ITGB5: variants seen among roughly 807,000 people sequenced by gnomAD.
ITGB5 encodes integrin beta-5.
ITGB5 carries 38 observed loss-of-function variants against 84.8 expected under a neutral mutation model. That is an observed-to-expected ratio of 0.45 (90% CI 0.35 to 0.59). ITGB5 has a LOEUF of 0.59. ITGB5 is among the 20% of genes least tolerant of loss of function. The pLI is 0.01. For synonymous variants in ITGB5, 393 were observed against 414.4 expected (o/e 0.95, Z 0.63); for missense variants, 905 against 1,034.5 (o/e 0.87, Z 1.72).
At chr3:124,886,450 G>T (rs1934812263) in intron 1 of ITGB5, among the ~76,000 whole-genome samples, 1 of 152,136 alleles carries the variant, frequency 6.6e-6, no homozygotes, top group African/African-American at 2.4e-5. Context: ...TCCAGGAGGC[G>T]AGCCCTCCGG....
At chr3:124,768,899 C>T (rs961142541) in intron 12 of ITGB5, 114 bp downstream of exon 12, 3 of 702,146 alleles carry the variant, frequency 4.3e-6, no homozygotes, top group African/African-American at 3.6e-5. Context: ...TCATGGGGAG[C>T]CCACAGTTAT....
rs143677920 is a variant in ITGB5 at position 124,831,006 on chromosome 3, C to A, written c.781-9532G>T. Among the ~76,000 whole-genome samples, 563 of 151,324 alleles carry A rather than the reference C, an allele frequency of 3.7e-3. 1 individual carries two copies. The highest frequency in any genetic ancestry group is 0.011 in the African/African-American group (441 of 41,410). On this transcript the variant is annotated intron_variant, in intron 5 of 14. Transcript: ENST00000296181. ...CTCAAACGAACAACAACAACAACAA[C>A]AAAAAAACAAGAAAATTCTTCCTTA...
intron 10 of ITGB5, among the ~76,000 whole-genome samples, chr3:124,782,587 GT>G (rs757134455): frequency 6.6e-6 from 1 of 152,222 alleles, no homozygotes; most frequent in African/African-American, 2.4e-5. Context: ...GCTGGGCACG[GT>G]GGCTCACGGC....
At chr3:124,824,288 A>G (rs2064751589) in intron 5 of ITGB5, among the ~76,000 whole-genome samples, 1 of 152,240 alleles carries the variant, frequency 6.6e-6, no homozygotes, top group Non-Finnish European at 1.5e-5. Flanking sequence ...AGATCCACAC[A>G]TATCTAGTCA....
intron 1 of ITGB5, among the ~76,000 whole-genome samples, chr3:124,885,502 C>T (rs1434247343): frequency 6.6e-6 from 1 of 152,044 alleles, no homozygotes; most frequent in East Asian, 1.9e-4. Context: ...AAATTAAAAA[C>T]TACTAATATT....
In ITGB5 at chr3:124,819,335, A is replaced by G. The variant is rs141430339; in HGVS notation, c.1038+404T>C. The stretch of plus-strand genomic sequence containing the variant: ...CGCCAGACTAGCCCACTGGTCTCCT[A>G]TAGTCTGCAGGCTCAGGCATAAAGC... On this transcript the variant is annotated intron_variant, in intron 7 of 14. Transcript: ENST00000296181. Among the ~76,000 whole-genome samples the G allele has an allele frequency of 2.7e-3, 404 of 152,304 alleles. 3 individuals carry two copies. Among genetic ancestry groups the G allele is most frequent in the Non-Finnish European group, 4.6e-3 (315 of 68,008 alleles).
At chr3:124,805,054 T>TCCCTG (rs200043507) in intron 9 of ITGB5, among the ~76,000 whole-genome samples, 12 of 124,468 alleles carry the variant, frequency 9.6e-5, no homozygotes, top group African/African-American at 1.5e-4. Flanking sequence ...CTGCCCTCCC[T>TCCCTG]CCCTGCCCTG....
At chr3:124,807,928 C>A (rs574179218) in intron 9 of ITGB5, among the ~76,000 whole-genome samples, 2 of 107,740 alleles carry the variant, frequency 1.9e-5, no homozygotes, top group South Asian at 3.2e-4. Context: ...GGCGACAGAG[C>A]GAGACTTCAT....
intron 1 of ITGB5, among the ~76,000 whole-genome samples, chr3:124,884,328 C>T (rs988309226): frequency 4.6e-5 from 7 of 152,162 alleles, no homozygotes; most frequent in Non-Finnish European, 8.8e-5. Flanking sequence ...CTTCAGGGCC[C>T]TAAGAGGTAA....
At chr3:124,900,033 C>T (rs1233902691) in intron 1 of ITGB5, among the ~76,000 whole-genome samples, 1 of 152,042 alleles carries the variant, frequency 6.6e-6, no homozygotes, top group African/African-American at 2.4e-5. Context: ...AGCTCCAGGA[C>T]GATGAAGCCT....
At chr3:124,873,651 G>A (rs1559981782) in intron 1 of ITGB5, 120 bp from the exon 2 acceptor site, 2 of 785,004 alleles carry the variant, frequency 2.5e-6, no homozygotes, top group East Asian at 2.4e-5. Context: ...TCTAAAGGGT[G>A]CAGGTACCAT....
intron 2 of ITGB5, among the ~76,000 whole-genome samples, chr3:124,871,408 C>T (rs1346694042): frequency 6.6e-6 from 1 of 152,184 alleles, no homozygotes; most frequent in Admixed American, 6.5e-5. Context: ...ATTGGCCAGG[C>T]TGGTCTCGAA....
chr3:124,775,476 C>G (rs574949290), intron 10 of ITGB5, among the ~76,000 whole-genome samples: 1 of 152,184 alleles, frequency 6.6e-6, no homozygotes, highest in East Asian at 1.9e-4. Flanking sequence ...GCACCGTCTT[C>G]CAAGGGGACC....
At chr3:124,796,238 C>T (rs368350809) in intron 10 of ITGB5, 150 bp downstream of exon 10, 29 of 734,278 alleles carry the variant, frequency 3.9e-5, no homozygotes, top group Middle Eastern at 3.6e-4. Flanking sequence ...CTCCTGCCTA[C>T]GGGTAGCAAG....
intron 1 of ITGB5, among the ~76,000 whole-genome samples, chr3:124,883,615 T>C (rs1044161968): frequency 3.9e-5 from 6 of 152,216 alleles, no homozygotes; most frequent in Admixed American, 2.6e-4. Flanking sequence ...GGAAGGGTGC[T>C]GCCAACATGA....
chr3:124,813,397 C>T (rs1390581305), intron 8 of ITGB5, among the ~76,000 whole-genome samples: 2 of 152,212 alleles, frequency 1.3e-5, no homozygotes, highest in Non-Finnish European at 2.9e-5. Context: ...CTGACACTAT[C>T]TACCTGGACA....
intron 3 of ITGB5, among the ~76,000 whole-genome samples, chr3:124,850,393 T>G (rs1245681639): frequency 1.3e-5 from 2 of 151,952 alleles, no homozygotes; most frequent in African/African-American, 4.8e-5. Flanking sequence ...CTTGCACGGA[T>G]GAAGTATGAT....
chr3:124,861,491 T>TACACACACACAC (rs1168034132), intron 2 of ITGB5, among the ~76,000 whole-genome samples: 1 of 76,296 alleles, frequency 1.3e-5, no homozygotes. Flanking sequence ...CATATATATA[T>TACACACACACAC]ATATACACAC....
chr3:124,791,878 C>T (rs1337532663), intron 10 of ITGB5: 1 of 152,180 alleles, frequency 6.6e-6, no homozygotes, highest in South Asian at 2.1e-4. Flanking sequence ...GCCAAGGACC[C>T]AGGGACTGGA....
Sources: allele counts gnomAD v4.1 joint callset (sites outside exome capture counted in the v4.1 genomes callset), GRCh38; gene constraint gnomAD v4.1.1; transcripts MANE v1.5; gene names NCBI Gene and HGNC (gene_info 2026-07-23, HGNC 2026-07-21).